NRG3: variants seen among roughly 807,000 people sequenced by gnomAD.
The protein encoded by NRG3 is pro-neuregulin-3, membrane-bound isoform.
Under a neutral mutation model 66.9 loss-of-function variants are expected in NRG3, and 31 were observed. The ratio of observed to expected loss-of-function variants is 0.46; its 90% CI spans 0.35 to 0.63. NRG3 has a LOEUF of 0.63. Among genes scored for constraint, NRG3 ranks in the 20% least tolerant of loss-of-function variants. The pLI is 0.00. For synonymous variants in NRG3, 393 were observed against 359.4 expected, an observed-to-expected ratio of 1.09 and a Z score of -1.06; for missense variants, 910 against 878.9, an observed-to-expected ratio of 1.04 and a Z score of -0.45.
intron 4 of NRG3, among the ~76,000 whole-genome samples, chr10:82,937,035 C>T (rs1020011233): frequency 6.6e-6 from 1 of 152,068 alleles, no homozygotes; most frequent in Non-Finnish European, 1.5e-5. Context: ...TATTATGATT[C>T]GTGGAGCATC....
intron 2 of NRG3, among the ~76,000 whole-genome samples, chr10:82,469,934 G>A (rs550298417): frequency 9.9e-5 from 15 of 152,234 alleles, no homozygotes; most frequent in East Asian, 3.9e-4. Flanking sequence ...GCTAAGAAAC[G>A]CAATGTAGTG....
intron 1 of NRG3, among the ~76,000 whole-genome samples, chr10:82,152,085 C>T (rs1292767786): frequency 6.6e-6 from 1 of 152,112 alleles, no homozygotes; most frequent in Non-Finnish European, 1.5e-5. Context: ...ATATTTTAGG[C>T]TTTGTGAGTC....
chr10:81,932,837 G>A (rs942788501), intron 1 of NRG3, among the ~76,000 whole-genome samples: 2 of 152,034 alleles, frequency 1.3e-5, no homozygotes, highest in African/African-American at 4.8e-5. Flanking sequence ...GGTCAGGCAC[G>A]GTGGCTCATG....
At position 82,588,503 on chromosome 10, in the gene NRG3, C is replaced by CT. The variant is rs796884608; in HGVS notation, c.954-150064dup. Among the ~76,000 whole-genome samples, 437 of 149,190 alleles carry CT rather than the reference C, an allele frequency of 2.9e-3. 2 individuals are homozygous for CT. Among genetic ancestry groups the CT allele is most frequent in the African/African-American group, 0.01 (414 of 40,700 alleles). On this transcript the variant is annotated intron_variant, in intron 2 of 8. Coordinates refer to ENST00000372141, the MANE Select transcript of NRG3 (RefSeq NM_001010848.4). ...CTGCAGAACTGTGAACCAATTGAAC[C>CT]TTTTTTTTTTCTTTTTTGAGATGGA...
intron 2 of NRG3, among the ~76,000 whole-genome samples, chr10:82,606,134 G>A (rs2047947217): frequency 6.6e-6 from 1 of 152,000 alleles, no homozygotes. Context: ...ATTGGTTTTA[G>A]ATTTCCTTTT....
intron 6 of NRG3, among the ~76,000 whole-genome samples, chr10:82,964,738 A>G (rs1592112378): frequency 6.6e-6 from 1 of 152,142 alleles, no homozygotes; most frequent in Admixed American, 6.6e-5. Flanking sequence ...GACATTTAAA[A>G]CTGCCTAAAA....
intron 2 of NRG3, among the ~76,000 whole-genome samples, chr10:82,707,963 A>G (rs1054778797): frequency 3.3e-5 from 5 of 151,658 alleles, no homozygotes; most frequent in East Asian, 2.0e-4. Flanking sequence ...CAGAGGTTAC[A>G]GTGAGCCAGG....
At chr10:82,938,786 G>C (rs1227372269) in intron 4 of NRG3, among the ~76,000 whole-genome samples, 1 of 152,220 alleles carries the variant, frequency 6.6e-6, no homozygotes, top group Non-Finnish European at 1.5e-5. Flanking sequence ...CGCTGGGTCA[G>C]ATTCTCCCTG....
chr10:82,040,327 A>G (rs960753301), intron 1 of NRG3, among the ~76,000 whole-genome samples: 2 of 152,096 alleles, frequency 1.3e-5, no homozygotes, highest in Non-Finnish European at 2.9e-5. Flanking sequence ...AAATATACCC[A>G]TATGTATACA....
chr10:82,004,064 G>A (rs556044234), intron 1 of NRG3, among the ~76,000 whole-genome samples: 7 of 150,244 alleles, frequency 4.7e-5, no homozygotes, highest in East Asian at 2.0e-4. Flanking sequence ...TTATTAAACC[G>A]CAGTTTGTGA....
intron 1 of NRG3, among the ~76,000 whole-genome samples, chr10:82,259,936 A>T (rs1004885096): frequency 5.4e-5 from 7 of 129,398 alleles, no homozygotes; most frequent in Middle Eastern, 3.8e-3. Context: ...TGTCTCTATT[A>T]AAAAAACAAA....
intron 1 of NRG3, among the ~76,000 whole-genome samples, chr10:82,158,450 T>C (rs955109869): frequency 6.6e-6 from 1 of 151,806 alleles, no homozygotes; most frequent in Non-Finnish European, 1.5e-5. Context: ...TGTCTGTGTC[T>C]CCGTATGTGT....
intron 1 of NRG3, among the ~76,000 whole-genome samples, chr10:82,216,099 AGTAGC>A (rs2075661866): frequency 2.5e-5 from 1 of 40,754 alleles, no homozygotes; most frequent in African/African-American, 6.1e-4. Flanking sequence ...TCCCAAGTAG[AGTAGC>A]TAGGATTACA....
At chr10:82,851,035 A>G (rs961993313) in intron 3 of NRG3, among the ~76,000 whole-genome samples, 1 of 152,232 alleles carries the variant, frequency 6.6e-6, no homozygotes, top group African/African-American at 2.4e-5. Flanking sequence ...GAATAAAAAT[A>G]GAACCGACTT....
intron 2 of NRG3, among the ~76,000 whole-genome samples, chr10:82,418,373 A>G (rs943226444): frequency 1.4e-5 from 2 of 144,218 alleles, no homozygotes; most frequent in Non-Finnish European, 3.0e-5. Flanking sequence ...AAGATGTAAT[A>G]AAAAATTAAC....
chr10:82,012,897 C>T (rs908299383), intron 1 of NRG3, among the ~76,000 whole-genome samples: 2 of 152,184 alleles, frequency 1.3e-5, no homozygotes, highest in African/African-American at 4.8e-5. Flanking sequence ...AACTATTCAA[C>T]AAATCTCTAG....
intron 1 of NRG3, among the ~76,000 whole-genome samples, chr10:82,201,605 C>A (rs2074829582): frequency 6.6e-6 from 1 of 152,006 alleles, no homozygotes; most frequent in Non-Finnish European, 1.5e-5. Flanking sequence ...TCAATTAGAA[C>A]TGAAAAAGTT....
intron 3 of NRG3, among the ~76,000 whole-genome samples, chr10:82,743,887 C>T (rs1034229490): frequency 6.6e-6 from 1 of 152,188 alleles, no homozygotes; most frequent in Non-Finnish European, 1.5e-5. Flanking sequence ...TATATAGGAA[C>T]ATGTGTTCTG....
At chr10:82,567,669 A>G (rs2045493686) in intron 2 of NRG3, among the ~76,000 whole-genome samples, 2 of 151,972 alleles carry the variant, frequency 1.3e-5, no homozygotes, top group Admixed American at 6.6e-5. Context: ...CTGTCTCTAT[A>G]AATGATCCTG....
Sources: gnomAD v4.1 joint callset for allele counts (sites outside exome capture counted in the v4.1 genomes callset) on GRCh38, gnomAD v4.1.1 for gene constraint, MANE v1.5 for transcripts, NCBI Gene and HGNC (gene_info 2026-07-23, HGNC 2026-07-21) for gene names.